The following ATRNL1 variants were observed in gnomAD, a reference collection of about 807,000 sequenced individuals.
ATRNL1 encodes attractin like 1.
A neutral mutation model predicts 182.7 loss-of-function variants in ATRNL1; 95 were observed. The observed-to-expected ratio is 0.52, with a 90% confidence interval of 0.44 to 0.62. The LOEUF (loss-of-function observed/expected upper bound fraction) is 0.62, where lower values mean the gene tolerates loss of function less well. ATRNL1 is among the 20% of genes least tolerant of loss of function. The pLI is 0.00. For synonymous variants in ATRNL1, 576 were observed against 568.3 expected (o/e 1.01, Z -0.19); for missense variants, 1,471 against 1,679.5 (o/e 0.88, Z 2.17).
chr10:115,536,723 A>G (rs1852041240), intron 25 of ATRNL1, among the ~76,000 whole-genome samples: 1 of 152,230 alleles, frequency 6.6e-6, no homozygotes, highest in African/African-American at 2.4e-5. Flanking sequence ...TGGGAGCTGC[A>G]GACCGGAGCT....
At chr10:115,835,936 C>G (rs1950660020) in intron 27 of ATRNL1, among the ~76,000 whole-genome samples, 1 of 152,212 alleles carries the variant, frequency 6.6e-6, no homozygotes. Context: ...GAACTTCTCC[C>G]TCTGCCACAT....
intron 18 of ATRNL1, among the ~76,000 whole-genome samples, chr10:115,327,650 G>A (rs4543898): frequency 0.63 from 92,245 of 145,618 alleles, 29,437 homozygotes; most frequent in East Asian, 0.81. Flanking sequence ...TGTTTATTGC[G>A]GCACTATTCA....
At chr10:115,131,216 C>G (rs1461226903) in intron 5 of ATRNL1, among the ~76,000 whole-genome samples, 1 of 151,454 alleles carries the variant, frequency 6.6e-6, no homozygotes, top group African/African-American at 2.4e-5. Context: ...AACTACTTGT[C>G]TGTGTGTGTG....
intron 27 of ATRNL1, among the ~76,000 whole-genome samples, chr10:115,847,620 T>C (rs1176987495): frequency 5.9e-5 from 9 of 152,076 alleles, no homozygotes; most frequent in African/African-American, 1.4e-4. Flanking sequence ...GAGGAAACAA[T>C]TGGGAAAAAG....
intron 26 of ATRNL1, among the ~76,000 whole-genome samples, chr10:115,587,919 G>C (rs1555010750): frequency 6.6e-6 from 1 of 151,940 alleles, no homozygotes; most frequent in African/African-American, 2.4e-5. Flanking sequence ...AGAAAGGAGA[G>C]GAGAGGAGTT....
chr10:115,583,541 G>A (rs1190139337), intron 26 of ATRNL1, among the ~76,000 whole-genome samples: 1 of 113,826 alleles, frequency 8.8e-6, no homozygotes, highest in African/African-American at 2.7e-5. Context: ...TCATGATTTG[G>A]CTTTCTGTTT....
intron 28 of ATRNL1, among the ~76,000 whole-genome samples, chr10:115,885,439 A>G (rs543849902): frequency 6.3e-4 from 96 of 152,286 alleles, no homozygotes; most frequent in African/African-American, 2.0e-3. Flanking sequence ...GTACTTAGAC[A>G]CTGTCTTACT....
chr10:115,303,221 G>GTTTTTTTTTTT (rs5788103), intron 17 of ATRNL1, among the ~76,000 whole-genome samples: 1 of 107,024 alleles, frequency 9.3e-6, no homozygotes, highest in Non-Finnish European at 1.7e-5. Flanking sequence ...TGGTATGCAG[G>GTTTTTTTTTTT]TTTTTTTTTT....
chr10:115,517,420 T>C (rs1554984127), intron 24 of ATRNL1, among the ~76,000 whole-genome samples: 1 of 151,966 alleles, frequency 6.6e-6, no homozygotes, highest in African/African-American at 2.4e-5. Flanking sequence ...CTGTTCTATA[T>C]GTGTTTTCTG....
intron 28 of ATRNL1, among the ~76,000 whole-genome samples, chr10:115,923,039 A>G (rs1478065963): frequency 6.6e-6 from 1 of 152,194 alleles, no homozygotes; most frequent in Non-Finnish European, 1.5e-5. Context: ...TGCATCTCAA[A>G]AAGATTTTTA....
intron 5 of ATRNL1, among the ~76,000 whole-genome samples, chr10:115,147,475 A>G (rs782591708): frequency 1.3e-5 from 2 of 151,718 alleles, no homozygotes; most frequent in Non-Finnish European, 2.9e-5. Context: ...AGTTGAATAT[A>G]GTCTCATTTG....
chr10:115,594,263 ATACT>A (rs1360886120), intron 26 of ATRNL1, among the ~76,000 whole-genome samples: 3 of 152,230 alleles, frequency 2.0e-5, no homozygotes, highest in Non-Finnish European at 2.9e-5. Flanking sequence ...TATATTATAA[ATACT>A]TAATATTTTA....
intron 21 of ATRNL1, among the ~76,000 whole-genome samples, chr10:115,457,400 G>A (rs142535025): frequency 5.9e-5 from 9 of 152,138 alleles, no homozygotes; most frequent in South Asian, 2.1e-4. Flanking sequence ...CACTCTGGTT[G>A]TGGACTCTAT....
At chr10:115,466,986 C>A (rs1231198902) in intron 22 of ATRNL1, among the ~76,000 whole-genome samples, 188 bp from the exon 23 acceptor site, 2 of 150,972 alleles carry the variant, frequency 1.3e-5, no homozygotes, top group Non-Finnish European at 3.0e-5. Flanking sequence ...AACTTGATAT[C>A]TACCTTTGAA....
In ATRNL1 at chr10:115,463,665, C is replaced by G. The variant is rs376450524; in HGVS notation, c.3417+1630C>G. Among the ~76,000 whole-genome samples the G allele has an allele frequency of 2.6e-5, 4 of 152,136 alleles. No individual in the cohort carries two copies. The East Asian group carries it at 5.8e-4, about 22-fold the overall frequency. ...ATTATTAAACAATAATGCCTCATTC[C>G]ACACTTCTCTGCAGCCCCTGGTATC... On this transcript the variant is annotated intron_variant, in intron 22 of 28. Coordinates refer to ENST00000355044, the MANE Select transcript of ATRNL1 (RefSeq NM_207303.4).
intron 18 of ATRNL1, among the ~76,000 whole-genome samples, chr10:115,325,662 C>G (rs1316844110): frequency 2.0e-5 from 3 of 152,042 alleles, no homozygotes; most frequent in African/African-American, 7.2e-5. Flanking sequence ...CTATGACTAA[C>G]CTTTGTTTTC....
intron 8 of ATRNL1, among the ~76,000 whole-genome samples, chr10:115,184,463 A>G (rs1441996105): frequency 6.6e-6 from 1 of 151,622 alleles, no homozygotes; most frequent in Non-Finnish European, 1.5e-5. Flanking sequence ...ACTATGAAGT[A>G]GTAATATATA....
rs1564786499 is a variant in ATRNL1 at position 115,160,159 on chromosome 10, A to ATGT, written c.950_952dup (p.Met317_Trp318insLeu). The ATGT allele has an allele frequency of 6.2e-7, 1 of 1,612,718 alleles. No homozygotes were observed. The highest frequency in any genetic ancestry group is 1.3e-5 in the African/African-American group (1 of 74,910). On this transcript the variant is annotated inframe_insertion, in exon 6 of 29. Transcript: ENST00000355044. Reference sequence around the variant, plus strand: ...TAAAGCAGTTTTACACGGGAAATTTATGTGGGTGATTGGTGGATATACTTT... The same window carrying ATGT: ...TAAAGCAGTTTTACACGGGAAATTTATGTTGTGGGTGATTGGTGGATATACTTT...
chr10:115,496,950 A>G (rs1263344731), intron 24 of ATRNL1, among the ~76,000 whole-genome samples: 5 of 152,188 alleles, frequency 3.3e-5, no homozygotes, highest in African/African-American at 4.8e-5. Flanking sequence ...TAGCAAGGCT[A>G]GGGGAGAAAG....
Sources: gnomAD v4.1 joint callset for allele counts (sites outside exome capture counted in the v4.1 genomes callset) on GRCh38, gnomAD v4.1.1 for gene constraint, MANE v1.5 for transcripts, NCBI Gene and HGNC (gene_info 2026-07-23, HGNC 2026-07-21) for gene names.